The following NUGGC variants were observed in gnomAD, a reference collection of about 807,000 sequenced individuals.
NUGGC encodes the protein nuclear GTPase SLIP-GC.
In NUGGC, 58 loss-of-function variants were observed where a neutral mutation model predicts 92.6. The observed-to-expected ratio is 0.63, with a 90% CI of 0.51 to 0.78. The LOEUF is 0.78. Among genes scored for constraint, NUGGC ranks in the 30% least tolerant of loss-of-function variants. The probability of loss-of-function intolerance (pLI) is 0.00; values close to 1 mark genes in which losing one functional copy is unlikely to be tolerated. For missense variants in NUGGC, 925 were observed against 964.6 expected, an observed-to-expected ratio of 0.96 and a Z score of 0.54; for synonymous variants, 376 against 366.4, an observed-to-expected ratio of 1.03 and a Z score of -0.30.
chr8:28,061,118 T>C (rs570367072), intron 7 of NUGGC, among the ~76,000 whole-genome samples: 22 of 152,342 alleles, frequency 1.4e-4, no homozygotes, highest in African/African-American at 5.3e-4. Context: ...TTATCTCAGT[T>C]GTCCCCTGGG....
In NUGGC at chr8:28,030,385, T is replaced by C. The variant is rs974664756; in HGVS notation, c.1942A>G (p.Ile648Val). The C allele has an allele frequency of 3.2e-6, 5 of 1,578,586 alleles. No homozygotes were observed. The Admixed American group carries it at 7.3e-5, about 23-fold the overall frequency. ...SAILGGLEDH[I>V]LRRKRRIYES... ...TAGATCCTCCTCTTCCTTCTGAGGA[T>C]GTGGTCCTCCAGGCCCCCGAGGATG... The change falls in exon 16 of 19, where the codon ATC (isoleucine) becomes GTC (valine). Residue 648 changes from isoleucine (I) to valine (V), a missense_variant. By Grantham distance (29) the Ile-to-Val change is conservative. Coordinates refer to ENST00000413272, the MANE Select transcript of NUGGC (RefSeq NM_001010906.2).
intron 10 of NUGGC, among the ~76,000 whole-genome samples, chr8:28,052,800 C>T (rs982404129): frequency 1.3e-5 from 2 of 152,174 alleles, no homozygotes; most frequent in Non-Finnish European, 2.9e-5. Context: ...GTGTGCATTA[C>T]TTAACTGCCA....
chr8:28,039,741 A>C (rs564662786), intron 13 of NUGGC, among the ~76,000 whole-genome samples: 1 of 152,138 alleles, frequency 6.6e-6, no homozygotes. Flanking sequence ...CAGACCATCC[A>C]TGCACTTCTC....
chr8:28,061,774 A>G (rs1810311750), intron 7 of NUGGC, among the ~76,000 whole-genome samples: 1 of 152,186 alleles, frequency 6.6e-6, no homozygotes, highest in African/African-American at 2.4e-5. Flanking sequence ...AGACATTTTT[A>G]ATTGTGACAA....
At chr8:28,031,131 C>G (rs1809406982) in intron 15 of NUGGC, 112 bp downstream of exon 15, 4 of 1,273,030 alleles carry the variant, frequency 3.1e-6, no homozygotes, top group Non-Finnish European at 4.5e-6. Context: ...GAGGTACTCC[C>G]AGACCCTGGA....
chr8:28,060,396 G>C (rs1408019897), intron 8 of NUGGC, 30 bp downstream of exon 8: 5 of 1,609,344 alleles, frequency 3.1e-6, no homozygotes, highest in Non-Finnish European at 4.2e-6. Flanking sequence ...CCTGACTGGA[G>C]CCCACATCCT....
At chr8:28,065,874 T>C (rs1436472496) in intron 6 of NUGGC, among the ~76,000 whole-genome samples, 3 of 152,186 alleles carry the variant, frequency 2.0e-5, no homozygotes, top group Admixed American at 1.3e-4. Context: ...TTTAAGACAT[T>C]GTAATTTTAA....
At position 28,077,110 on chromosome 8, in the gene NUGGC, C is replaced by G. The variant is rs569441551; in HGVS notation, c.-46-2654G>C. On this transcript the variant is annotated intron_variant, in intron 1 of 18. Coordinates refer to ENST00000413272, the MANE Select transcript of NUGGC (RefSeq NM_001010906.2). Reference sequence around the variant, plus strand: ...ACCAAGAAAGCTGGTAGTAGAAGTGCCCTATGAGGTCACCAAATTTCACAA... The same window carrying G: ...ACCAAGAAAGCTGGTAGTAGAAGTGGCCTATGAGGTCACCAAATTTCACAA... Among the ~76,000 whole-genome samples, 6 of 152,096 alleles carry G rather than the reference C, an allele frequency of 3.9e-5. No homozygotes were observed. In the South Asian group the frequency reaches 1.2e-3, roughly 32 times the overall value.
intron 12 of NUGGC, among the ~76,000 whole-genome samples, chr8:28,045,236 G>A (rs564799726): frequency 8.5e-5 from 13 of 152,236 alleles, no homozygotes; most frequent in Admixed American, 2.0e-4. Context: ...GCCTGCCATC[G>A]CTTAAACACA....
rs1809279374 is a variant in NUGGC at position 28,026,972 on chromosome 8, C to G, written c.2235G>C (p.Lys745Asn). The G allele has an allele frequency of 3.7e-6, 6 of 1,612,488 alleles. No homozygotes were observed. The South Asian group carries it at 6.6e-5, about 18-fold the overall frequency. The change falls in exon 18 of 19, where the codon AAG becomes AAC. Residue 745 changes from lysine to asparagine, a missense_variant. Coordinates refer to ENST00000413272, the MANE Select transcript of NUGGC (RefSeq NM_001010906.2). ...CTTTGGCGTATTTACCTGCAAGCTC[C>G]TTGTAGAGGCCATCCCCCTGGGACG... The part of the protein sequence containing the change: ...LASSQGDGLY[K>N]ELADVGSEYK...
chr8:28,068,769 C>G (rs767871698), intron 4 of NUGGC, among the ~76,000 whole-genome samples: 2 of 152,168 alleles, frequency 1.3e-5, no homozygotes, highest in Non-Finnish European at 2.9e-5. Flanking sequence ...CAGGATCTCA[C>G]TTTGTCACCC....
intron 7 of NUGGC, 73 bp from the exon 8 acceptor site, chr8:28,060,674 T>C (rs1810281226): frequency 7.1e-7 from 1 of 1,402,940 alleles, no homozygotes; most frequent in East Asian, 2.4e-5. Flanking sequence ...TTCCCTAATG[T>C]ATCCCTTAAG....
At chr8:28,041,260 G>T in intron 12 of NUGGC, 45 bp from the exon 13 acceptor site, 1 of 1,562,000 alleles carries the variant, frequency 6.4e-7, no homozygotes. Flanking sequence ...CCCTCCCTAA[G>T]GGCACCTTCT....
Position 28,068,215 on chromosome 8 carries a change from C to T in NUGGC, c.480+1G>A, listed in dbSNP as rs1469674603. On this transcript the variant is annotated splice_donor_variant, in intron 5 of 18. Coordinates refer to ENST00000413272, the MANE Select transcript of NUGGC (RefSeq NM_001010906.2). LOFTEE classifies it high-confidence loss of function. ...GAAGGAGGGAGGAAGGGAACACTTA[C>T]CTGGTCAGACAGAAGGTGGATTTTG... 12 of 1,539,394 alleles carry T rather than the reference C, an allele frequency of 7.8e-6. No homozygotes were observed. Among genetic ancestry groups the T allele is most frequent in the Non-Finnish European group, 1.1e-5 (12 of 1,137,626 alleles).
chr8:28,064,263 C>T (rs1417028985), intron 7 of NUGGC, among the ~76,000 whole-genome samples: 4 of 152,182 alleles, frequency 2.6e-5, no homozygotes, highest in Admixed American at 2.0e-4. Context: ...TCCTCTTAAG[C>T]CACTCTATTG....
At chr8:28,062,610 C>T (rs1357623932) in intron 7 of NUGGC, among the ~76,000 whole-genome samples, 1 of 152,184 alleles carries the variant, frequency 6.6e-6, no homozygotes, top group Non-Finnish European at 1.5e-5. Context: ...GAGCAAGATG[C>T]TGTAGCAAAC....
Position 28,026,729 on chromosome 8 carries a change from G to C in NUGGC, c.2245+233C>G, listed in dbSNP as rs149886327. Among the ~76,000 whole-genome samples, 12 of 152,178 alleles carry C rather than the reference G, an allele frequency of 7.9e-5. No homozygotes were observed. The East Asian group carries it at 2.3e-3, about 29-fold the overall frequency. On this transcript the variant is annotated intron_variant, in intron 18 of 18. Coordinates refer to ENST00000413272, the MANE Select transcript of NUGGC (RefSeq NM_001010906.2). ...AGCCTGAGTATAATGCTTGCTGTCAGTTGGGTGCTGGGCAAAGGGTAGGGC... is the reference window on the plus strand; with the variant it reads ...AGCCTGAGTATAATGCTTGCTGTCACTTGGGTGCTGGGCAAAGGGTAGGGC...
At chr8:28,055,504 G>GA (rs1810110140) in intron 10 of NUGGC, among the ~76,000 whole-genome samples, 1 of 152,174 alleles carries the variant, frequency 6.6e-6, no homozygotes, top group Non-Finnish European at 1.5e-5. Flanking sequence ...TTAAAGATGA[G>GA]AAAATGGTGC....
intron 7 of NUGGC, among the ~76,000 whole-genome samples, chr8:28,062,958 G>A (rs185145807): frequency 7.6e-4 from 115 of 152,302 alleles, no homozygotes; most frequent in Admixed American, 1.6e-3. Flanking sequence ...AGTAGATGAG[G>A]TGGCACCCCA....
Sources: allele counts gnomAD v4.1 joint callset (sites outside exome capture counted in the v4.1 genomes callset), GRCh38; gene constraint gnomAD v4.1.1; transcripts MANE v1.5; gene names NCBI Gene and HGNC (gene_info 2026-07-23, HGNC 2026-07-21).